The following UBR1 variants were observed in gnomAD, a reference collection of about 807,000 sequenced individuals.
UBR1 encodes the protein E3 ubiquitin-protein ligase UBR1.
In UBR1, 102 loss-of-function variants were observed where a neutral mutation model predicts 242.1. The observed-to-expected ratio is 0.42, with a 90% CI of 0.36 to 0.50. The LOEUF is 0.50. UBR1 is among the 20% of genes least tolerant of loss of function. The pLI is 0.01. For synonymous variants in UBR1, 675 were observed against 684.8 expected (o/e 0.99, Z 0.22); for missense variants, 1,772 against 2,101.8 (o/e 0.84, Z 3.07).
chr15:42,989,382 G>A (rs1294066646), intron 34 of UBR1, among the ~76,000 whole-genome samples: 1 of 152,200 alleles, frequency 6.6e-6, no homozygotes, highest in Non-Finnish European at 1.5e-5. Flanking sequence ...ATAGGTATGT[G>A]TATGTGTTTG....
chr15:43,022,816 T>C lies in UBR1; in HGVS notation c.2740-15A>G, dbSNP rs1280527115. The C allele has an allele frequency of 6.5e-7, 1 of 1,541,568 alleles. No homozygotes were observed. Among genetic ancestry groups the C allele is most frequent in the South Asian group, 1.1e-5 (1 of 88,848 alleles). ...ATATGAAAAGCCTGAAGGAGGAAAA[T>C]AAGAGATCTTTAAAATTGCGCTTCT... On this transcript the variant is annotated splice_polypyrimidine_tract_variant and intron_variant, in intron 25 of 46. Transcript: ENST00000290650.
intron 33 of UBR1, among the ~76,000 whole-genome samples, chr15:42,996,950 T>C (rs1476790374): frequency 6.6e-6 from 1 of 152,182 alleles, no homozygotes; most frequent in Non-Finnish European, 1.5e-5. Flanking sequence ...GCCTTCACCC[T>C]ACTGATTTCA....
chr15:42,970,535 G>T lies in UBR1; in HGVS notation c.4442C>A (p.Ser1481Tyr). 3 of 1,613,522 alleles carry T rather than the reference G, an allele frequency of 1.9e-6. No homozygotes were observed. The highest frequency in any genetic ancestry group is 2.5e-6 in the Non-Finnish European group (3 of 1,179,978). ...HSASSFFAEI[S>Y]QYTSGSIGCD... ...TGTTACTCACCCACTTGTATATTGA[G>T]AAATTTCTGCAAAGAAAGAAGATGC... Residue 1481 changes from serine to tyrosine, a missense_variant, in exon 40 of 47, where the codon TCT becomes TAT. Coordinates refer to ENST00000290650, the MANE Select transcript of UBR1 (RefSeq NM_174916.3).
intron 36 of UBR1, among the ~76,000 whole-genome samples, 184 bp from the exon 37 acceptor site, chr15:42,984,177 G>A (rs917198476): frequency 6.6e-6 from 1 of 152,108 alleles, no homozygotes; most frequent in Non-Finnish European, 1.5e-5. Flanking sequence ...TTATGGCCTT[G>A]CTAAATTTCT....
chr15:42,971,089 G>C (rs1461976602), intron 39 of UBR1, among the ~76,000 whole-genome samples: 1 of 152,132 alleles, frequency 6.6e-6, no homozygotes, highest in Non-Finnish European at 1.5e-5. Context: ...ATATTAGCTG[G>C]AGAAACAAAT....
chr15:43,015,452 G>C (rs1026630349), intron 29 of UBR1, among the ~76,000 whole-genome samples: 8 of 152,030 alleles, frequency 5.3e-5, no homozygotes, highest in South Asian at 4.2e-4. Context: ...CAGCATGCTC[G>C]TTAAGAGTCA....
chr15:43,050,556 T>C (rs1225041971), intron 12 of UBR1, among the ~76,000 whole-genome samples: 1 of 151,742 alleles, frequency 6.6e-6, no homozygotes, highest in Non-Finnish European at 1.5e-5. Flanking sequence ...CTAAAATATC[T>C]CCACTAAATT....
chr15:42,966,471 G>A (rs534596647), intron 40 of UBR1, among the ~76,000 whole-genome samples, 185 bp from the exon 41 acceptor site: 1 of 152,296 alleles, frequency 6.6e-6, no homozygotes, highest in South Asian at 2.1e-4. Flanking sequence ...TGGATCACCT[G>A]AGGTCAGGAG....
chr15:43,045,742 C>T (rs1390960535), intron 14 of UBR1, among the ~76,000 whole-genome samples: 1 of 152,058 alleles, frequency 6.6e-6, no homozygotes, highest in African/African-American at 2.4e-5. Flanking sequence ...ATTAGGAAGA[C>T]GTATTTGTGA....
At chr15:42,952,176 T>C (rs1197887796) in intron 45 of UBR1, 102 bp downstream of exon 45, 2 of 1,406,818 alleles carry the variant, frequency 1.4e-6, no homozygotes, top group East Asian at 2.3e-5. Flanking sequence ...TAACTTCTGA[T>C]TGATTATTTG....
At chr15:42,961,627 C>T (rs2032021649) in intron 42 of UBR1, among the ~76,000 whole-genome samples, 1 of 151,060 alleles carries the variant, frequency 6.6e-6, no homozygotes, top group African/African-American at 2.4e-5. Context: ...GATGGGGTTT[C>T]ACACCATGTT....
At chr15:43,050,976 A>T (rs1281303267) in intron 12 of UBR1, among the ~76,000 whole-genome samples, 1 of 152,196 alleles carries the variant, frequency 6.6e-6, no homozygotes, top group Non-Finnish European at 1.5e-5. Context: ...CACTGTTGGT[A>T]GGAGCATAAA....
chr15:42,966,093 G>C (rs2032100789), intron 41 of UBR1, 60 bp downstream of exon 41: 1 of 1,611,058 alleles, frequency 6.2e-7, no homozygotes, highest in African/African-American at 1.3e-5. Flanking sequence ...TCATGAGCTT[G>C]AAGGTAAGAA....
At chr15:43,098,733 C>T (rs1464529135) in intron 1 of UBR1, among the ~76,000 whole-genome samples, 2 of 152,174 alleles carry the variant, frequency 1.3e-5, no homozygotes, top group African/African-American at 2.4e-5. Flanking sequence ...CTCAATTTCA[C>T]ATCTAATTCT....
chr15:42,962,890 G>C (rs1287590942), intron 42 of UBR1, among the ~76,000 whole-genome samples: 1 of 152,160 alleles, frequency 6.6e-6, no homozygotes, highest in Non-Finnish European at 1.5e-5. Flanking sequence ...GGTAGACTGG[G>C]AAATTCCCAG....
intron 37 of UBR1, among the ~76,000 whole-genome samples, chr15:42,982,878 T>G (rs766061534): frequency 6.6e-6 from 1 of 152,180 alleles, no homozygotes; most frequent in African/African-American, 2.4e-5. Context: ...TTGGGACTTA[T>G]GAACAAACAG....
chr15:43,002,052 T>A (rs1394772100), intron 32 of UBR1, among the ~76,000 whole-genome samples: 1 of 152,182 alleles, frequency 6.6e-6, no homozygotes, highest in Non-Finnish European at 1.5e-5. Context: ...ATGTAAAGAT[T>A]TGAGTAAATA....
rs566529237 is a variant in UBR1 at position 43,040,778 on chromosome 15, G to A, written c.1849+2437C>T. Among the ~76,000 whole-genome samples the A allele has an allele frequency of 1.1e-4, 16 of 152,238 alleles. No individual in the cohort carries two copies. In the South Asian group the frequency reaches 1.2e-3, roughly 12 times the overall value. ...AACACAACTCCATTGAAAAGCAGGC[G>A]AAGGATATGAACAGACACTTCTCAA... is the stretch of plus-strand genomic sequence containing the variant. On this transcript the variant is annotated intron_variant, in intron 15 of 46. Coordinates refer to ENST00000290650, the MANE Select transcript of UBR1 (RefSeq NM_174916.3).
At chr15:43,081,982 A>G (rs1007388489) in intron 3 of UBR1, among the ~76,000 whole-genome samples, 10 of 152,042 alleles carry the variant, frequency 6.6e-5, no homozygotes, top group Non-Finnish European at 1.5e-4. Flanking sequence ...TATATACATA[A>G]TATGTTCTTA....
Sources: allele counts gnomAD v4.1 joint callset (sites outside exome capture counted in the v4.1 genomes callset), GRCh38; gene constraint gnomAD v4.1.1; transcripts MANE v1.5; gene names NCBI Gene and HGNC (gene_info 2026-07-23, HGNC 2026-07-21).